The following COBLL1 variants were observed in gnomAD, a reference collection of about 807,000 sequenced individuals.
COBLL1 encodes cordon-bleu protein-like 1.
A neutral mutation model predicts 94.8 loss-of-function variants in COBLL1; 50 were observed. The ratio of observed to expected loss-of-function variants is 0.53; its 90% CI spans 0.42 to 0.67. The LOEUF (loss-of-function observed/expected upper bound fraction) is 0.67, where lower values mean the gene tolerates loss of function less well. Among genes scored for constraint, COBLL1 ranks in the 30% least tolerant of loss-of-function variants. The probability of loss-of-function intolerance (pLI) is 0.00; values close to 1 mark genes in which losing one functional copy is unlikely to be tolerated. For synonymous variants in COBLL1, 448 were observed against 473.8 expected (o/e 0.95, Z 0.71); for missense variants, 1,362 against 1,348.7 (o/e 1.01, Z -0.15).
chr2:164,804,415 CAA>C (rs1242040158), intron 2 of COBLL1, among the ~76,000 whole-genome samples: 1 of 151,836 alleles, frequency 6.6e-6, no homozygotes, highest in Non-Finnish European at 1.5e-5. Context: ...CTTATGAAAA[CAA>C]AGTCTATAAT....
Position 164,695,146 on chromosome 2 carries a change from T to G in COBLL1, c.2246A>C (p.Gln749Pro), listed in dbSNP as rs1268687547. Reference sequence around the variant, plus strand: ...ATCTTTATACTCTATGGTTTCTGATTGCCAGTCTTTCGATATTTCCAAGGA... The same window carrying G: ...ATCTTTATACTCTATGGTTTCTGATGGCCAGTCTTTCGATATTTCCAAGGA... ...PKSLEISKDW[Q>P]SETIEYKDDQ... The change falls in exon 12 of 14, where the codon CAA (glutamine) becomes CCA (proline). Residue 749 changes from glutamine to proline, a missense_variant. Transcript: ENST00000652658. The G allele has an allele frequency of 1.2e-6, 2 of 1,613,936 alleles. No homozygotes were observed. Among genetic ancestry groups the G allele is most frequent in the Non-Finnish European group, 1.7e-6 (2 of 1,179,988 alleles).
chr2:164,812,421 CCTGT>C (rs1458269180), intron 2 of COBLL1, among the ~76,000 whole-genome samples: 2 of 151,976 alleles, frequency 1.3e-5, no homozygotes, highest in Non-Finnish European at 1.5e-5. Flanking sequence ...CTACTTAGTT[CCTGT>C]CTGTTATTTA....
chr2:164,761,890 T>A (rs1392936926), intron 2 of COBLL1, among the ~76,000 whole-genome samples: 1 of 152,206 alleles, frequency 6.6e-6, no homozygotes, highest in African/African-American at 2.4e-5. Flanking sequence ...GCCAAGTACC[T>A]ACCAGGCCCT....
rs182214415 is a variant in COBLL1 at position 164,672,966 on chromosome 2, C to A, written n.127-7065G>T. ...ACTGCACCCTCCCTGCATTGTGTAA[C>A]TGCAGCCCCACACACTCTGGAATAA... is the stretch of plus-strand genomic sequence containing the variant. On this transcript the variant is annotated intron_variant and non_coding_transcript_variant, in intron 1 of 2. Transcript: ENST00000495084. Among the ~76,000 whole-genome samples, 300 of 152,254 alleles carry A rather than the reference C, an allele frequency of 2.0e-3. 2 individuals carry two copies. The South Asian group carries it at 0.023, about 11-fold the overall frequency.
chr2:164,839,490 A>G (rs1683482008), intron 2 of COBLL1, among the ~76,000 whole-genome samples: 1 of 152,236 alleles, frequency 6.6e-6, no homozygotes, highest in East Asian at 1.9e-4. Flanking sequence ...CTTGCCAGCA[A>G]AAAGTGTTCT....
At chr2:164,699,116 C>G (rs931203093) in intron 11 of COBLL1, among the ~76,000 whole-genome samples, 1 of 151,892 alleles carries the variant, frequency 6.6e-6, no homozygotes, top group Non-Finnish European at 1.5e-5. Flanking sequence ...AAAAGTAGTA[C>G]ACATGGTAGT....
intron 2 of COBLL1, among the ~76,000 whole-genome samples, chr2:164,789,071 A>G (rs1683037073): frequency 6.6e-6 from 1 of 150,786 alleles, no homozygotes; most frequent in South Asian, 2.1e-4. Context: ...ACACAGATGC[A>G]GTGGTGCATG....
chr2:164,714,713 A>G (rs189876510), intron 7 of COBLL1, among the ~76,000 whole-genome samples: 14 of 152,276 alleles, frequency 9.2e-5, no homozygotes, highest in Admixed American at 7.2e-4. Flanking sequence ...CTCTGTTAAC[A>G]CATGCTGGTT....
chr2:164,669,103 T>C (rs1691209221), intron 1 of COBLL1, among the ~76,000 whole-genome samples: 1 of 152,236 alleles, frequency 6.6e-6, no homozygotes, highest in Non-Finnish European at 1.5e-5. Context: ...TTGTTCGTCT[T>C]GTGTTTTTAG....
intron 2 of COBLL1, among the ~76,000 whole-genome samples, chr2:164,777,884 A>G (rs1038126135): frequency 3.3e-5 from 5 of 152,204 alleles, no homozygotes; most frequent in African/African-American, 1.2e-4. Flanking sequence ...CCAGTTTTTC[A>G]AAAGACATAA....
chr2:164,832,865 G>A (rs2105385010), intron 2 of COBLL1, among the ~76,000 whole-genome samples: 1 of 152,034 alleles, frequency 6.6e-6, no homozygotes, highest in East Asian at 1.9e-4. Flanking sequence ...CCAACAAGGA[G>A]AAACCCCGTC....
chr2:164,704,032 G>T (rs1175241767), intron 9 of COBLL1, among the ~76,000 whole-genome samples: 1 of 152,156 alleles, frequency 6.6e-6, no homozygotes, highest in Admixed American at 6.5e-5. Flanking sequence ...TAACTTGTAT[G>T]TTGAGTTCAT....
chr2:164,812,156 A>C (rs1245692778), intron 2 of COBLL1, among the ~76,000 whole-genome samples: 1 of 152,042 alleles, frequency 6.6e-6, no homozygotes, highest in Non-Finnish European at 1.5e-5. Flanking sequence ...ACACAAATAA[A>C]AGAACAAAAT....
At chr2:164,770,721 G>A (rs1012181098) in intron 2 of COBLL1, among the ~76,000 whole-genome samples, 1 of 152,118 alleles carries the variant, frequency 6.6e-6, no homozygotes, top group African/African-American at 2.4e-5. Flanking sequence ...AACTTTCCCT[G>A]AGGAAATAGG....
chr2:164,787,822 T>C (rs1396859624), intron 2 of COBLL1, among the ~76,000 whole-genome samples: 2 of 152,206 alleles, frequency 1.3e-5, no homozygotes, highest in African/African-American at 2.4e-5. Context: ...CCTGCTCCCA[T>C]AGGAGCTTCT....
rs1683132986 is a variant in COBLL1 at position 164,683,375 on chromosome 2, T to G, written c.*2571A>C. 1 of 152,060 alleles carries G rather than the reference T, an allele frequency of 6.6e-6. No homozygotes were observed. The highest frequency in any genetic ancestry group is 2.4e-5 in the African/African-American group (1 of 41,426). The allele number at this position is 152,060 out of a possible 1,614,324, so 9.4% of individuals were successfully genotyped here. A position where few individuals can be genotyped will look rare whatever the true frequency, so the allele number is the denominator to read the frequency against. ...TGAAAACTACTTGTCACAAATTTCT[T>G]TCCCCATTGACAGGATAGCACATGT... On this transcript the variant is annotated 3_prime_UTR_variant, in exon 14 of 14. Coordinates refer to ENST00000652658, the MANE Select transcript of COBLL1 (RefSeq NM_001365672.2).
chr2:164,755,379 C>T (rs1687347083), intron 2 of COBLL1, among the ~76,000 whole-genome samples: 1 of 152,056 alleles, frequency 6.6e-6, no homozygotes, highest in African/African-American at 2.4e-5. Context: ...CATAATTTTG[C>T]CATTTTTGAT....
intron 2 of COBLL1, among the ~76,000 whole-genome samples, chr2:164,788,887 C>T (rs1683018670): frequency 6.7e-6 from 1 of 149,282 alleles, no homozygotes; most frequent in African/African-American, 2.5e-5. Context: ...AAGAGATGTA[C>T]AGAGTAGTAG....
At position 164,694,731 on chromosome 2, in the gene COBLL1, A is replaced by T. The variant is rs1574420744; in HGVS notation, c.2661T>A (p.Ser887Arg). 1.2e-6 allele frequency: 2 copies of T among 1,613,244 alleles called. No homozygotes were observed. The highest frequency in any genetic ancestry group is 1.7e-6 in the Non-Finnish European group (2 of 1,179,882). Residue 887 changes from serine (S) to arginine (R), a missense_variant, in exon 12 of 14, where the codon AGT becomes AGA. Physicochemically the swap from Ser to Arg is moderately radical, Grantham distance 110 (BLOSUM62 -1). Coordinates refer to ENST00000652658, the MANE Select transcript of COBLL1 (RefSeq NM_001365672.2). ...GAGCAGGATTAGGGGCAGCATGGACACTCTTGGCAGCTGCAGATGTCACAT... is the reference window on the plus strand; with the variant it reads ...GAGCAGGATTAGGGGCAGCATGGACTCTCTTGGCAGCTGCAGATGTCACAT... ...GHYVTSAAAK[S>R]VHAAPNPAPK...
Sources: gnomAD v4.1 joint callset for allele counts (sites outside exome capture counted in the v4.1 genomes callset) on GRCh38, gnomAD v4.1.1 for gene constraint, MANE v1.5 for transcripts, NCBI Gene and HGNC (gene_info 2026-07-23, HGNC 2026-07-21) for gene names.